The following ITGA5 variants were observed in gnomAD, a reference collection of about 807,000 sequenced individuals.
ITGA5 encodes integrin alpha-5.
Under a neutral mutation model 146.3 loss-of-function variants are expected in ITGA5, and 55 were observed. The observed-to-expected ratio is 0.38, with a 90% CI of 0.30 to 0.47. The LOEUF (loss-of-function observed/expected upper bound fraction) is 0.47, where lower values mean the gene tolerates loss of function less well. ITGA5 is among the 20% of genes least tolerant of loss of function. ITGA5 has a pLI of 0.99. For synonymous variants in ITGA5, 500 were observed against 531.8 expected (o/e 0.94, Z 0.82); for missense variants, 1,131 against 1,329.0 (o/e 0.85, Z 2.32).
intron 1 of ITGA5, chr12:54,413,234 AG>A (rs1346828473): frequency 6.6e-6 from 1 of 152,652 alleles, no homozygotes; most frequent in Non-Finnish European, 1.5e-5. Flanking sequence ...CAAGAAGACC[AG>A]GTATACTGAG....
intron 8 of ITGA5, 36 bp downstream of exon 8, chr12:54,407,796 C>A: frequency 1.2e-6 from 2 of 1,609,902 alleles, no homozygotes; most frequent in East Asian, 2.2e-5. Flanking sequence ...CTCTAACCAT[C>A]CCCCTCCCTT....
intron 9 of ITGA5, chr12:54,407,411 A>G: frequency 1.8e-6 from 1 of 569,632 alleles, no homozygotes; most frequent in Non-Finnish European, 3.2e-6. Context: ...TCGTGAGGTC[A>G]GAACGATTGT....
chr12:54,402,271 T>A lies in ITGA5; in HGVS notation c.2042A>T (p.Gln681Leu), dbSNP rs1302384376. ...ATAGGCGCCACCCTCACCCACATTCTGGGCATGGAAAGTGAGGTTCAGGGC... is the reference window on the plus strand; with the variant it reads ...ATAGGCGCCACCCTCACCCACATTCAGGGCATGGAAAGTGAGGTTCAGGGC... Reference protein sequence around the residue: ...KNALNLTFHAQNVGEGGAYEA... With the variant: ...KNALNLTFHALNVGEGGAYEA... Residue 681 changes from glutamine to leucine, a missense_variant, in exon 20 of 30, where the codon CAG becomes CTG. Gln to Leu is a moderately radical substitution (Grantham distance 113, BLOSUM62 -2). This residue lies in a region of ITGA5 where 889 missense variants were observed against 1,021.5 expected (regional missense o/e 0.87). Coordinates refer to ENST00000293379, the MANE Select transcript of ITGA5 (RefSeq NM_002205.5). 1 of 1,614,180 alleles carries A rather than the reference T, an allele frequency of 6.2e-7. No individual in the cohort carries two copies. Among genetic ancestry groups the A allele is most frequent in the Admixed American group, 1.7e-5 (1 of 60,028 alleles).
rs1465763390 is a variant in ITGA5 at position 54,408,925 on chromosome 12, A to C, written c.613T>G (p.Cys205Gly). The C allele has an allele frequency of 6.2e-7, 1 of 1,614,146 alleles. No individual in the cohort carries two copies. Reference protein sequence around the residue: ...DFSWAAGQGYCQGGFSAEFTK... With the variant: ...DFSWAAGQGYGQGGFSAEFTK... ...AACTCGGCACTGAAGCCTCCTTGGC[A>C]GTAACCCTGTCCTGCTGCCCAGCTG... The change falls in exon 5 of 30, where the codon TGC becomes GGC. Residue 205 changes from cysteine to glycine, a missense_variant. Transcript: ENST00000293379.
chr12:54,397,100 C>T (rs1464632378), intron 29 of ITGA5, among the ~76,000 whole-genome samples: 2 of 152,114 alleles, frequency 1.3e-5, no homozygotes, highest in African/African-American at 2.4e-5. Flanking sequence ...ACAAATGCCA[C>T]GTATTTGTCA....
chr12:54,405,682 G>C lies in ITGA5; in HGVS notation c.998C>G (p.Thr333Arg). The change falls in exon 11 of 30, where the codon ACA (threonine) becomes AGA (arginine). Residue 333 changes from threonine to arginine, a missense_variant. Transcript: ENST00000293379. ...CACTCACCCGTCCCCATTGACGTCT[G>C]TGGCGGCCACTGCATAGCCAAAGTA... ...ASYFGYAVAATDVNGDGLDDL... is the reference protein window; with the variant it reads ...ASYFGYAVAARDVNGDGLDDL... 6.2e-7 allele frequency: 1 copy of C among 1,613,944 alleles called. No homozygotes were observed.
At position 54,409,448 on chromosome 12, in the gene ITGA5, C is replaced by A; in HGVS notation, c.462+37G>T. The A allele has an allele frequency of 6.2e-7, 1 of 1,610,880 alleles. No individual in the cohort carries two copies. Among genetic ancestry groups the A allele is most frequent in the South Asian group, 1.1e-5 (1 of 90,980 alleles). ...GGCCTTACCCAACCACTGCCCATCC[C>A]CTGGCCACCACACCACTGAGCTTGC... On this transcript the variant is annotated intron_variant, in intron 3 of 29. Coordinates refer to ENST00000293379, the MANE Select transcript of ITGA5 (RefSeq NM_002205.5). The surrounding 1 kb of genome is among the most constrained non-coding windows in gnomAD (Gnocchi z 4.7).
At position 54,396,023 on chromosome 12, in the gene ITGA5, A is replaced by AG; in HGVS notation, c.*269dup. On this transcript the variant is annotated 3_prime_UTR_variant, in exon 30 of 30. Transcript: ENST00000293379. ...AAACTCTCCAAAATGCAAAGGCTTC[A>AG]GGGAGGCTGGGGCCTCTGTCCCTGG... is the stretch of plus-strand genomic sequence containing the variant. The AG allele has an allele frequency of 2.5e-6, 1 of 398,964 alleles. No homozygotes were observed. Among genetic ancestry groups the AG allele is most frequent in the Non-Finnish European group, 4.6e-6 (1 of 218,356 alleles). The allele number at this position is 398,964 out of a possible 1,614,324, so 24.7% of individuals were successfully genotyped here.
Position 54,403,064 on chromosome 12 carries a change from C to T in ITGA5, c.1915-14G>A. The T allele has an allele frequency of 1.2e-6, 2 of 1,614,048 alleles. No individual in the cohort carries two copies. The highest frequency in any genetic ancestry group is 4.5e-5 in the East Asian group (2 of 44,878). On this transcript the variant is annotated splice_polypyrimidine_tract_variant and intron_variant, in intron 18 of 29. Coordinates refer to ENST00000293379, the MANE Select transcript of ITGA5 (RefSeq NM_002205.5). This position sits in a 1 kb window ranked among gnomAD's most constrained non-coding sequence, Gnocchi z 4.9. ...CAAGATCTGAGCCTGGGGAGCAGGG[C>T]AGCCTTGAGAGGGGAAGTTTAGACC...
chr12:54,414,707 C>T (rs932270363), intron 1 of ITGA5, among the ~76,000 whole-genome samples: 1 of 150,684 alleles, frequency 6.6e-6, no homozygotes, highest in African/African-American at 2.5e-5. Context: ...ATTATCCGGG[C>T]GTGGTGGCGG....
intron 1 of ITGA5, chr12:54,412,594 C>T (rs1258157237): frequency 1.3e-5 from 2 of 152,582 alleles, no homozygotes; most frequent in Non-Finnish European, 1.5e-5. Flanking sequence ...GCCTCCCCTT[C>T]CTGGCTGGGT....
At chr12:54,405,532 G>A in intron 11 of ITGA5, 132 bp downstream of exon 11, 1 of 1,030,960 alleles carries the variant, frequency 9.7e-7, no homozygotes, top group Non-Finnish European at 1.5e-6. Flanking sequence ...CCTGAGCAAG[G>A]GGAATGCAGG....
chr12:54,412,102 A>C, intron 1 of ITGA5, 138 bp from the exon 2 acceptor site: 9 of 618,536 alleles, frequency 1.5e-5, no homozygotes, highest in Non-Finnish European at 2.3e-5. Context: ...TTTATATCTC[A>C]GAAGATGCCA....
chr12:54,408,740 C>G lies in ITGA5; in HGVS notation c.691+16G>C. On this transcript the variant is annotated intron_variant, in intron 6 of 29. Coordinates refer to ENST00000293379, the MANE Select transcript of ITGA5 (RefSeq NM_002205.5). Reference sequence around the variant, plus strand: ...AAAAAAAAAAAAAAAAAAAGAATGGCAGAGACAGGACTTACCTTGCCAGAA... The same window carrying G: ...AAAAAAAAAAAAAAAAAAAGAATGGGAGAGACAGGACTTACCTTGCCAGAA... 6.6e-7 allele frequency: 1 copy of G among 1,504,500 alleles called. No individual in the cohort carries two copies. Among genetic ancestry groups the G allele is most frequent in the Non-Finnish European group, 9.2e-7 (1 of 1,087,840 alleles). 93.2% of individuals were successfully genotyped at this position (1,504,500 alleles called of 1,614,324 possible).
chr12:54,404,708 T>C lies in ITGA5; in HGVS notation c.1412A>G (p.Tyr471Cys), dbSNP rs774780283. The change falls in exon 13 of 30, where the codon TAT becomes TGT. Residue 471 changes from tyrosine to cysteine, a missense_variant. Physicochemically the swap from Tyr to Cys is radical, Grantham distance 194 (BLOSUM62 -2). Transcript: ENST00000293379. ...RGGRDLDGNG[Y>C]PDLIVGSFGV... ...GGGCCTCAGGCACAACTCACCAGGA[T>C]ATCCATTGCCATCCAGGTCTCGGCC... 5 of 1,613,392 alleles carry C rather than the reference T, an allele frequency of 3.1e-6. No individual in the cohort carries two copies. The highest frequency in any genetic ancestry group is 4.2e-6 in the Non-Finnish European group (5 of 1,179,664).
chr12:54,400,662 A>ACAGTG, intron 25 of ITGA5, 184 bp downstream of exon 25: 1 of 573,020 alleles, frequency 1.7e-6, no homozygotes, highest in Non-Finnish European at 3.0e-6. Flanking sequence ...AGAAAGAAAC[A>ACAGTG]CAGTGGATGA....
chr12:54,417,700 A>G (rs533443822), intron 1 of ITGA5, among the ~76,000 whole-genome samples: 1 of 152,250 alleles, frequency 6.6e-6, no homozygotes, highest in South Asian at 2.1e-4. Flanking sequence ...TTCTGACAGA[A>G]TTCCCCTCAA....
chr12:54,401,594 G>A lies in ITGA5; in HGVS notation c.2378C>T (p.Thr793Ile), dbSNP rs1404910124. 9 of 1,614,166 alleles carry A rather than the reference G, an allele frequency of 5.6e-6. No individual in the cohort carries two copies. The highest frequency in any genetic ancestry group is 7.6e-6 in the Non-Finnish European group (9 of 1,180,006). ...TTTGCCTGGCACTGACCCGTTCAGG[G>A]TGACCTGGGCCTGAGCCTCCACGGA... is the stretch of plus-strand genomic sequence containing the variant. ...RLSVEAQAQV[T>I]LNGVSKPEAV... is the part of the protein sequence containing the mutation. Residue 793 changes from threonine to isoleucine, a missense_variant, in exon 23 of 30, where the codon ACC becomes ATC. Physicochemically the swap from Thr to Ile is moderately conservative, Grantham distance 89. This residue lies in a region of ITGA5 where 889 missense variants were observed against 1,021.5 expected (regional missense o/e 0.87). Transcript: ENST00000293379. This position sits in a 1 kb window ranked among gnomAD's most constrained non-coding sequence, Gnocchi z 5.0.
chr12:54,406,390 C>T (rs1955866722), intron 9 of ITGA5, among the ~76,000 whole-genome samples: 1 of 152,220 alleles, frequency 6.6e-6, no homozygotes, highest in African/African-American at 2.4e-5. Flanking sequence ...CATTTCTCCC[C>T]TATATTCCCT....
Sources: gnomAD v4.1 joint callset for allele counts (sites outside exome capture counted in the v4.1 genomes callset) on GRCh38, gnomAD v4.1.1 for gene constraint, gnomAD v4.1.1 regional missense constraint, Gnocchi (gnomAD v3.1) non-coding constraint, MANE v1.5 for transcripts, NCBI Gene and HGNC (gene_info 2026-07-23, HGNC 2026-07-21) for gene names.